PRKN: variants seen among roughly 807,000 people sequenced by gnomAD.
PRKN encodes the protein E3 ubiquitin-protein ligase parkin.
Under a neutral mutation model 59.5 loss-of-function variants are expected in PRKN, and 56 were observed. The observed-to-expected ratio is 0.94, with a 90% CI of 0.76 to 1.18. The LOEUF is 1.18. Ranked by LOEUF, PRKN falls within the 50% of genes most tolerant of loss-of-function variation. The pLI is 0.00. For missense variants in PRKN, 657 were observed against 596.4 expected, an observed-to-expected ratio of 1.10 and a Z score of -1.06; for synonymous variants, 250 against 222.1, an observed-to-expected ratio of 1.13 and a Z score of -1.12.
At chr6:161,633,382 A>C (rs200039753) in intron 7 of PRKN, among the ~76,000 whole-genome samples, 1 of 152,340 alleles carries the variant, frequency 6.6e-6, no homozygotes, top group East Asian at 1.9e-4. Flanking sequence ...ACTTCACTTC[A>C]TACTATATTC....
chr6:162,415,424 T>C (rs57650124), intron 2 of PRKN, among the ~76,000 whole-genome samples: 21,780 of 152,138 alleles, frequency 0.14, 2,535 homozygotes, highest in African/African-American at 0.32. Context: ...AAACAGATCG[T>C]GTGAAGAGTA....
chr6:162,569,805 G>T, intron 1 of PRKN: 1 of 463,314 alleles, frequency 2.2e-6, no homozygotes, highest in Admixed American at 3.4e-5. Flanking sequence ...CTGTGCAGCG[G>T]AGCACAGGGA....
At chr6:161,847,623 A>G (rs1327459951) in intron 6 of PRKN, among the ~76,000 whole-genome samples, 1 of 150,062 alleles carries the variant, frequency 6.7e-6, no homozygotes, top group Admixed American at 6.6e-5. Flanking sequence ...TTTCCCACTT[A>G]GTACCTTAGA....
At chr6:161,595,989 G>A (rs1781898769) in intron 7 of PRKN, among the ~76,000 whole-genome samples, 1 of 152,206 alleles carries the variant, frequency 6.6e-6, no homozygotes, top group Non-Finnish European at 1.5e-5. Context: ...GTCCTGTGGA[G>A]TGGCCGGTGG....
Position 161,902,564 on chromosome 6 carries a change from A to AT in PRKN, c.734+70737dup, listed in dbSNP as rs869148690. On this transcript the variant is annotated intron_variant, in intron 6 of 11. Coordinates refer to ENST00000366898, the MANE Select transcript of PRKN (RefSeq NM_004562.3). ...TATCTATCTATTTATTTATTTATTT[A>AT]TTTTTTTTTTTTTGCGACAGAGTCT... 7.4e-3 allele frequency among the ~76,000 whole-genome samples: 827 copies of AT among 112,050 alleles called. 11 individuals carry two copies. The highest frequency in any genetic ancestry group is 8.4e-3 in the Admixed American group (82 of 9,752). 73.5% of individuals were successfully genotyped at this position (112,050 alleles called of 152,430 possible).
chr6:162,594,109 C>T (rs1781408293), intron 1 of PRKN, among the ~76,000 whole-genome samples: 2 of 151,940 alleles, frequency 1.3e-5, no homozygotes, highest in Non-Finnish European at 2.9e-5. Context: ...GAGATTGTAC[C>T]ACTGCACTCC....
chr6:161,899,207 G>C (rs539484688), intron 6 of PRKN, among the ~76,000 whole-genome samples: 43 of 152,324 alleles, frequency 2.8e-4, no homozygotes, highest in African/African-American at 8.7e-4. Context: ...AGAAACTTCA[G>C]GGAGATATTT....
In PRKN at chr6:161,458,429, C is replaced by T. The variant is rs571458402; in HGVS notation, c.1084-71552G>A. On this transcript the variant is annotated intron_variant, in intron 9 of 11. Coordinates refer to ENST00000366898, the MANE Select transcript of PRKN (RefSeq NM_004562.3). This position sits in a 1 kb window ranked among gnomAD's most constrained non-coding sequence, Gnocchi z 6.1. ...GTTATCACAGCTCCCTGGCCCTCGCCGCGGTGGAGGCAGCCGTCTGTCTAC... is the reference window on the plus strand; with the variant it reads ...GTTATCACAGCTCCCTGGCCCTCGCTGCGGTGGAGGCAGCCGTCTGTCTAC... Among the ~76,000 whole-genome samples the T allele has an allele frequency of 1.3e-5, 2 of 152,164 alleles. No homozygotes were observed. Among genetic ancestry groups the T allele is most frequent in the Non-Finnish European group, 2.9e-5 (2 of 68,038 alleles).
intron 2 of PRKN, among the ~76,000 whole-genome samples, chr6:162,304,229 G>C (rs780725376): frequency 6.6e-5 from 10 of 150,586 alleles, no homozygotes; most frequent in Non-Finnish European, 1.2e-4. Context: ...TATTTTGGCA[G>C]GACTCATGAC....
At chr6:162,659,732 T>C (rs1175702570) in intron 1 of PRKN, among the ~76,000 whole-genome samples, 2 of 152,156 alleles carry the variant, frequency 1.3e-5, no homozygotes, top group Non-Finnish European at 2.9e-5. Flanking sequence ...TGTTCTATTA[T>C]ACATTTCCCA....
chr6:162,386,267 C>T (rs1786802436), intron 2 of PRKN, among the ~76,000 whole-genome samples: 1 of 152,164 alleles, frequency 6.6e-6, no homozygotes, highest in South Asian at 2.1e-4. Flanking sequence ...CTAAATTTAA[C>T]CGTGCCACAG....
intron 9 of PRKN, among the ~76,000 whole-genome samples, chr6:161,421,144 C>A (rs1174837110): frequency 2.0e-5 from 3 of 152,132 alleles, no homozygotes; most frequent in East Asian, 3.9e-4. Flanking sequence ...CTGGGTGAGC[C>A]TTTACCCTCC....
chr6:162,193,786 G>A (rs950852196), intron 4 of PRKN, among the ~76,000 whole-genome samples: 4 of 152,138 alleles, frequency 2.6e-5, no homozygotes, highest in African/African-American at 9.7e-5. Flanking sequence ...GCACAGTGTG[G>A]TCTTTGGTGT....
At chr6:161,432,461 C>T (rs1038089108) in intron 9 of PRKN, among the ~76,000 whole-genome samples, 2 of 147,208 alleles carry the variant, frequency 1.4e-5, no homozygotes, top group Non-Finnish European at 3.0e-5. Flanking sequence ...CTCCCGGGTT[C>T]AAGCGATTCT....
chr6:161,817,376 C>A (rs1467588687), intron 6 of PRKN, among the ~76,000 whole-genome samples: 1 of 152,198 alleles, frequency 6.6e-6, no homozygotes, highest in Non-Finnish European at 1.5e-5. Context: ...TTCCCATGCC[C>A]AGTCCCCAGG....
At chr6:162,516,493 A>C (rs1419641092) in intron 1 of PRKN, among the ~76,000 whole-genome samples, 1 of 152,158 alleles carries the variant, frequency 6.6e-6, no homozygotes, top group Non-Finnish European at 1.5e-5. Context: ...GGCTCACGCC[A>C]GTAATCCCAG....
chr6:161,837,803 C>T (rs1792822144), intron 6 of PRKN, among the ~76,000 whole-genome samples: 1 of 152,160 alleles, frequency 6.6e-6, no homozygotes, highest in Admixed American at 6.5e-5. Context: ...CAATTAACAT[C>T]TGTAATTTGC....
At chr6:161,888,462 C>T (rs1430837437) in intron 6 of PRKN, among the ~76,000 whole-genome samples, 2 of 152,202 alleles carry the variant, frequency 1.3e-5, no homozygotes, top group African/African-American at 4.8e-5. Flanking sequence ...TCTTGCCATC[C>T]TCTCAACTTT....
At chr6:162,388,684 G>A (rs868222059) in intron 2 of PRKN, among the ~76,000 whole-genome samples, 7 of 152,084 alleles carry the variant, frequency 4.6e-5, no homozygotes, top group African/African-American at 9.7e-5. Context: ...TCTGTGCCAC[G>A]TACTGTGCTC....
Sources: gnomAD v4.1 joint callset for allele counts (sites outside exome capture counted in the v4.1 genomes callset) on GRCh38, gnomAD v4.1.1 for gene constraint, Gnocchi (gnomAD v3.1) non-coding constraint, MANE v1.5 for transcripts, NCBI Gene and HGNC (gene_info 2026-07-23, HGNC 2026-07-21) for gene names.